Variants in DDX42 observed in about 807,000 individuals in gnomAD.
DDX42 encodes the protein DEAD-box helicase 42.
DDX42 carries 22 observed loss-of-function variants against 101.5 expected under a neutral mutation model. The ratio of observed to expected loss-of-function variants is 0.22; its 90% CI spans 0.15 to 0.31. DDX42 has a LOEUF of 0.31. Ranked by LOEUF, DDX42 falls within the 10% of genes least tolerant of loss-of-function variation. DDX42 has a pLI of 1.00. For synonymous variants in DDX42, 402 were observed against 401.2 expected, an observed-to-expected ratio of 1.00 and a Z score of -0.02; for missense variants, 849 against 1,199.9, an observed-to-expected ratio of 0.71 and a Z score of 4.32.
chr17:63,784,005 A>G (rs1032897423), intron 1 of DDX42, among the ~76,000 whole-genome samples: 12 of 152,150 alleles, frequency 7.9e-5, no homozygotes, highest in Non-Finnish European at 1.5e-4. Flanking sequence ...CAGAGGTTGC[A>G]GTGAGCTAAG....
intron 7 of DDX42, chr17:63,805,383 T>C (rs2039826461): frequency 1.8e-6 from 1 of 567,982 alleles, no homozygotes; most frequent in Non-Finnish European, 2.8e-6. Flanking sequence ...AGGATCATTT[T>C]CTTGTTTCAT....
chr17:63,780,386 G>A (rs529044216), intron 1 of DDX42, among the ~76,000 whole-genome samples: 1 of 152,274 alleles, frequency 6.6e-6, no homozygotes, highest in African/African-American at 2.4e-5. Context: ...GATTTAATCA[G>A]GAAGGGTGGT....
At position 63,805,084 on chromosome 17, in the gene DDX42, C is replaced by G; in HGVS notation, c.635C>G (p.Pro212Arg). 6.2e-7 allele frequency: 1 copy of G among 1,609,718 alleles called. No individual in the cohort carries two copies. Among genetic ancestry groups the G allele is most frequent in the Non-Finnish European group, 8.5e-7 (1 of 1,179,046 alleles). The change falls in exon 7 of 18, where the codon CCA (proline) becomes CGA (arginine). Residue 212 changes from proline (P) to arginine (R), a missense_variant. By Grantham distance (103) the Pro-to-Arg change is moderately radical (BLOSUM62 -2). Transcript: ENST00000389924. ...TTGGACCTGCAGATTGACTATCCAC[C>G]ATTTGAAAAAAACTTTTACAATGAG... ...PIDHSEIDYP[P>R]FEKNFYNEHE...
At chr17:63,786,020 C>A (rs577639290) in intron 1 of DDX42, among the ~76,000 whole-genome samples, 3 of 152,094 alleles carry the variant, frequency 2.0e-5, no homozygotes, top group African/African-American at 7.2e-5. Flanking sequence ...ATATCAGATT[C>A]CCCAAAATAT....
intron 1 of DDX42, among the ~76,000 whole-genome samples, chr17:63,774,953 G>A (rs1203250785): frequency 6.6e-6 from 1 of 152,184 alleles, no homozygotes; most frequent in East Asian, 1.9e-4. Context: ...AACAGGAGAA[G>A]CTGTCGAGAG....
chr17:63,783,250 A>G (rs2039509965), intron 1 of DDX42, among the ~76,000 whole-genome samples: 1 of 152,176 alleles, frequency 6.6e-6, no homozygotes, highest in African/African-American at 2.4e-5. Flanking sequence ...TGCCTAGCAC[A>G]TCATATACCA....
At chr17:63,800,699 T>C (rs909390319) in intron 6 of DDX42, 82 bp downstream of exon 6, 1 of 1,519,328 alleles carries the variant, frequency 6.6e-7, no homozygotes, top group Non-Finnish European at 9.0e-7. Context: ...TTCTCAGTAG[T>C]GGAATACTCT....
rs748649990 is a variant in DDX42 at position 63,812,178 on chromosome 17, A to G, written c.1645A>G (p.Ile549Val). ...KVISDFKKKDIPVLVATDVAA... is the reference protein window; with the variant it reads ...KVISDFKKKDVPVLVATDVAA... ...CATTTCAGACTTTAAGAAAAAGGAC[A>G]TCCCAGTCCTGGTGGCCACAGATGT... Residue 549 changes from isoleucine (I) to valine (V), a missense_variant, in exon 14 of 18, where the codon ATC (isoleucine) becomes GTC (valine). Ile to Val is a conservative substitution (Grantham distance 29). Around this residue, in one of 5 missense-constraint regions of DDX42, gnomAD observed 370 missense variants for 608.8 expected, o/e 0.61. Coordinates refer to ENST00000389924, the MANE Select transcript of DDX42 (RefSeq NM_203499.3). The G allele has an allele frequency of 6.2e-6, 10 of 1,613,532 alleles. No individual in the cohort carries two copies. The South Asian group carries it at 1.1e-4, about 18-fold the overall frequency.
intron 8 of DDX42, 105 bp from the exon 9 acceptor site, chr17:63,807,619 A>T: frequency 1.9e-6 from 2 of 1,077,208 alleles, no homozygotes; most frequent in South Asian, 3.1e-5. Flanking sequence ...GTTTTGTTCC[A>T]TTGCAAATAA....
chr17:63,803,729 C>T (rs1445399457), intron 6 of DDX42, among the ~76,000 whole-genome samples: 2 of 151,508 alleles, frequency 1.3e-5, no homozygotes, highest in Admixed American at 1.3e-4. Flanking sequence ...TCACTGCAAC[C>T]TCCTCCTCCT....
intron 8 of DDX42, 61 bp from the exon 9 acceptor site, chr17:63,807,663 T>G: frequency 6.8e-7 from 1 of 1,472,514 alleles, no homozygotes; most frequent in Non-Finnish European, 9.3e-7. Flanking sequence ...TCCCCAGGAT[T>G]TGCTTCAGTA....
At position 63,818,362 on chromosome 17, in the gene DDX42, G is replaced by C. The variant is rs1259728757; in HGVS notation, c.2781G>C (p.Glu927Asp). The C allele has an allele frequency of 6.2e-7, 1 of 1,613,980 alleles. No homozygotes were observed. The highest frequency in any genetic ancestry group is 2.2e-5 in the East Asian group (1 of 44,892). Reference protein sequence around the residue: ...DKTADGFAVPEPPKRKKSRWD... With the variant: ...DKTADGFAVPDPPKRKKSRWD... The stretch of plus-strand genomic sequence containing the variant: ...CAGCTGACGGCTTTGCTGTCCCAGA[G>C]CCGCCTAAACGCAAGAAAAGTCGAT... Residue 927 changes from glutamate (E) to aspartate (D), a missense_variant, in exon 18 of 18, where the codon GAG (glutamate) becomes GAC (aspartate). Glu to Asp is a conservative substitution (Grantham distance 45). Around this residue, in one of 5 missense-constraint regions of DDX42, gnomAD observed 300 missense variants for 304.9 expected, o/e 0.98. Coordinates refer to ENST00000389924, the MANE Select transcript of DDX42 (RefSeq NM_203499.3).
intron 1 of DDX42, among the ~76,000 whole-genome samples, chr17:63,777,065 C>T (rs150030396): frequency 0.021 from 3,200 of 152,084 alleles, 38 homozygotes; most frequent in Non-Finnish European, 0.032. Context: ...TGCCACCATG[C>T]CTGGCTAATT....
Position 63,809,615 on chromosome 17 carries a change from A to G in DDX42, c.1208A>G (p.Tyr403Cys), listed in dbSNP as rs1234559723. Residue 403 changes from tyrosine (Y) to cysteine (C), a missense_variant, in exon 11 of 18, where the codon TAC (tyrosine) becomes TGC (cysteine). Tyr to Cys is a radical substitution (Grantham distance 194). This residue lies in a region of DDX42 where 370 missense variants were observed against 608.8 expected (regional missense o/e 0.61). Transcript: ENST00000389924. ...KKATNLQRVS[Y>C]LVFDEADRMF... The stretch of plus-strand genomic sequence containing the variant: ...GCTACCAATCTTCAAAGAGTCTCTT[A>G]CCTTGTGTTTGATGAAGCAGATCGA... The G allele has an allele frequency of 4.3e-6, 7 of 1,613,998 alleles. 1 individual carries two copies.
chr17:63,783,971 G>A (rs2039517915), intron 1 of DDX42, among the ~76,000 whole-genome samples: 1 of 152,084 alleles, frequency 6.6e-6, no homozygotes, highest in African/African-American at 2.4e-5. Flanking sequence ...GGCTGAGACA[G>A]GATAATCACT....
intron 2 of DDX42, 117 bp downstream of exon 2, chr17:63,787,387 G>A: frequency 5.7e-6 from 6 of 1,050,266 alleles, no homozygotes; most frequent in Non-Finnish European, 6.8e-6. Context: ...CTTAAATTAT[G>A]TGTCTCGCTG....
chr17:63,816,296 C>T (rs1181346078), intron 16 of DDX42, among the ~76,000 whole-genome samples: 2 of 152,294 alleles, frequency 1.3e-5, no homozygotes, highest in Admixed American at 6.5e-5. Context: ...ATTACATACT[C>T]TGTTCCCACA....
At chr17:63,781,208 A>T (rs1290680024) in intron 1 of DDX42, among the ~76,000 whole-genome samples, 1 of 151,938 alleles carries the variant, frequency 6.6e-6, no homozygotes, top group Admixed American at 6.6e-5. Context: ...CAACAGAAGA[A>T]TTTTAGTTCT....
intron 6 of DDX42, 56 bp from the exon 7 acceptor site, chr17:63,805,015 A>G (rs1468572245): frequency 4.5e-6 from 7 of 1,549,576 alleles, no homozygotes; most frequent in South Asian, 1.2e-5. Context: ...AATAAAATCA[A>G]ACTTACAGAA....
Sources: gnomAD v4.1 joint callset for allele counts (sites outside exome capture counted in the v4.1 genomes callset) on GRCh38, gnomAD v4.1.1 for gene constraint, gnomAD v4.1.1 regional missense constraint, MANE v1.5 for transcripts, NCBI Gene and HGNC (gene_info 2026-07-23, HGNC 2026-07-21) for gene names.